The following CHRNA5 variants were observed in gnomAD, a reference collection of about 807,000 sequenced individuals.
The protein encoded by CHRNA5 is neuronal acetylcholine receptor subunit alpha-5.
CHRNA5 carries 28 observed loss-of-function variants against 41.2 expected under a neutral mutation model. The observed-to-expected ratio is 0.68, with a 90% confidence interval of 0.50 to 0.93. The LOEUF is 0.93. Ranked by LOEUF, CHRNA5 falls within the 40% of genes least tolerant of loss-of-function variation. CHRNA5 has a pLI of 0.00. For synonymous variants in CHRNA5, 188 were observed against 205.8 expected (o/e 0.91, Z 0.74); for missense variants, 481 against 581.9 (o/e 0.83, Z 1.78).
chr15:78,581,079 C>A, intron 2 of CHRNA5, 117 bp downstream of exon 2: 4 of 948,276 alleles, frequency 4.2e-6, no homozygotes, highest in Non-Finnish European at 6.2e-6. Context: ...CAGTCCTTTG[C>A]CTGAAGGAAC....
At chr15:78,589,807 C>A in exon 5 of CHRNA5, 1 of 1,567,938 alleles carries the variant, frequency 6.4e-7, no homozygotes. Context: ...TATTTTAGTG[C>A]AGATGGACGT....
At chr15:78,566,475 G>A (rs1326680670) in intron 1 of CHRNA5, among the ~76,000 whole-genome samples, 2 of 152,190 alleles carry the variant, frequency 1.3e-5, no homozygotes, top group African/African-American at 2.4e-5. Context: ...AAGAAATCGC[G>A]TAGTCCTACA....
In CHRNA5 at chr15:78,577,871, C is replaced by T. The variant is rs532993619; in HGVS notation, c.107-2940C>T. Reference sequence around the variant, plus strand: ...GCTTGAGTCCAGGAGGTTGAGGCTGCAGTGAGCCAAGATTGCACCATTGCA... The same window carrying T: ...GCTTGAGTCCAGGAGGTTGAGGCTGTAGTGAGCCAAGATTGCACCATTGCA... On this transcript the variant is annotated intron_variant, in intron 1 of 5. Coordinates refer to ENST00000299565, the Ensembl canonical transcript of CHRNA5. Among the ~76,000 whole-genome samples, 3 of 147,610 alleles carry T rather than the reference C, an allele frequency of 2.0e-5. No individual in the cohort carries two copies. In the South Asian group the frequency reaches 6.4e-4, roughly 31 times the overall value.
intron 1 of CHRNA5, among the ~76,000 whole-genome samples, chr15:78,575,343 T>A (rs1355177839): frequency 6.6e-6 from 1 of 152,224 alleles, no homozygotes; most frequent in Non-Finnish European, 1.5e-5. Flanking sequence ...TCTTAGCAGC[T>A]GTACTTTTAA....
At chr15:78,570,097 C>G (rs999340066) in intron 1 of CHRNA5, among the ~76,000 whole-genome samples, 1 of 152,160 alleles carries the variant, frequency 6.6e-6, no homozygotes, top group Non-Finnish European at 1.5e-5. Context: ...GTTGGGATTA[C>G]AGGCGTGAGC....
At chr15:78,572,910 G>A (rs764979962) in intron 1 of CHRNA5, among the ~76,000 whole-genome samples, 17 of 152,188 alleles carry the variant, frequency 1.1e-4, no homozygotes, top group South Asian at 2.1e-4. Flanking sequence ...GAAGGAAGGC[G>A]AAGGAGAGGA....
chr15:78,590,691 T>G, intron 5 of CHRNA5, 55 bp downstream of exon 5: 1 of 1,464,956 alleles, frequency 6.8e-7, no homozygotes, highest in Non-Finnish European at 9.3e-7. Flanking sequence ...GTTCAGAAGT[T>G]ACTTTCATTA....
At chr15:78,592,940 T>A in intron 5 of CHRNA5, 152 bp from the exon 6 acceptor site, 1 of 774,126 alleles carries the variant, frequency 1.3e-6, no homozygotes, top group Non-Finnish European at 2.0e-6. Context: ...GGCTAGTGTC[T>A]GTCCCTGAGC....
rs749045535 is a variant in CHRNA5 at position 78,586,634 on chromosome 15, A to AT, written c.259-5dup. 22 of 1,505,946 alleles carry AT rather than the reference A, an allele frequency of 1.5e-5. No homozygotes were observed. In the African/African-American group the frequency reaches 2.5e-4, roughly 17 times the overall value. 93.3% of individuals were successfully genotyped at this position (1,505,946 alleles called of 1,614,324 possible). On this transcript the variant is annotated splice_polypyrimidine_tract_variant and intron_variant, in intron 2 of 5. Coordinates refer to ENST00000299565, the Ensembl canonical transcript of CHRNA5. ...TGAAATCAATCTTATTTAAATTTTT[A>AT]TTTTTTAAAGGATGAGAAAAATCAG...
At chr15:78,574,444 T>A in intron 1 of CHRNA5, among the ~76,000 whole-genome samples, 1 of 151,710 alleles carries the variant, frequency 6.6e-6, no homozygotes, top group South Asian at 2.1e-4. Flanking sequence ...GTGAAGAAGG[T>A]TTTTTTAAAA....
rs150001417 is a variant in CHRNA5, at chr15:78,588,710, C to T, written c.413+287C>T. Among the ~76,000 whole-genome samples the T allele has an allele frequency of 6.6e-5, 10 of 152,244 alleles. No individual in the cohort carries two copies. In the South Asian group the frequency reaches 1.7e-3, roughly 25 times the overall value. On this transcript the variant is annotated intron_variant, in intron 4 of 5. Transcript: ENST00000299565. This position sits in a 1 kb window ranked among gnomAD's most constrained non-coding sequence, Gnocchi z 4.1. ...TTGTTTTACTAGACTACATATTTGG[C>T]AGACTTCTAGATTTTTTTGTATGTT... is the stretch of plus-strand genomic sequence containing the variant.
exon 5 of CHRNA5, chr15:78,590,280 C>T: frequency 6.2e-7 from 1 of 1,613,914 alleles, no homozygotes; most frequent in Non-Finnish European, 8.5e-7. Flanking sequence ...TGTCTTCCTT[C>T]TGGTTATTGA....
exon 1 of CHRNA5, chr15:78,565,590 C>T: frequency 4.4e-6 from 1 of 229,744 alleles, no homozygotes. Context: ...TGGCGCGGAG[C>T]GGCCCCTCTG....
exon 5 of CHRNA5, chr15:78,590,066 G>C (rs972593843): frequency 6.2e-7 from 1 of 1,614,056 alleles, no homozygotes; most frequent in African/African-American, 1.3e-5. Context: ...GTGCAACAGG[G>C]AGCAAAGGAA....
At chr15:78,591,667 T>C (rs2053016325) in intron 5 of CHRNA5, among the ~76,000 whole-genome samples, 1 of 152,176 alleles carries the variant, frequency 6.6e-6, no homozygotes, top group African/African-American at 2.4e-5. Context: ...TTTTTTCATA[T>C]GTTAATGATT....
chr15:78,594,261 A>T (rs751177584), exon 6 of CHRNA5: 1 of 152,244 alleles, frequency 6.6e-6, no homozygotes, highest in African/African-American at 2.4e-5. Flanking sequence ...CATTAATTTC[A>T]GTCCTCTTGT....
intron 1 of CHRNA5, among the ~76,000 whole-genome samples, chr15:78,572,438 T>C (rs1420710381): frequency 6.6e-6 from 1 of 152,194 alleles, no homozygotes; most frequent in Non-Finnish European, 1.5e-5. Flanking sequence ...CTGGAGATAG[T>C]TGGACATCTA....
At chr15:78,589,860 A>C (rs774605972) in exon 5 of CHRNA5, 1 of 1,613,324 alleles carries the variant, frequency 6.2e-7, no homozygotes. Flanking sequence ...GTACAATGGC[A>C]CTGTCACCTG....
At chr15:78,571,362 G>T (rs1337177769) in intron 1 of CHRNA5, among the ~76,000 whole-genome samples, 2 of 152,164 alleles carry the variant, frequency 1.3e-5, no homozygotes, top group African/African-American at 4.8e-5. Flanking sequence ...TTTTCTTCCA[G>T]TCCTTAGTAT....
Sources: gnomAD v4.1 joint callset for allele counts (sites outside exome capture counted in the v4.1 genomes callset) on GRCh38, gnomAD v4.1.1 for gene constraint, Gnocchi (gnomAD v3.1) non-coding constraint, MANE v1.5 for transcripts, NCBI Gene and HGNC (gene_info 2026-07-23, HGNC 2026-07-21) for gene names.